Variants in ADGRG7 observed in about 807,000 individuals in gnomAD.
ADGRG7 encodes the protein adhesion G protein-coupled receptor G7.
A neutral mutation model predicts 88.6 loss-of-function variants in ADGRG7; 82 were observed. That is an observed-to-expected ratio of 0.93 (90% CI 0.77 to 1.11). ADGRG7 has a LOEUF of 1.11. Among genes scored for constraint, ADGRG7 ranks in the 50% most tolerant of loss-of-function variants. The probability of loss-of-function intolerance (pLI) is 0.00; values close to 1 mark genes in which losing one functional copy is unlikely to be tolerated. For missense variants in ADGRG7, 945 were observed against 953.4 expected, an observed-to-expected ratio of 0.99 and a Z score of 0.12; for synonymous variants, 381 against 345.2, an observed-to-expected ratio of 1.10 and a Z score of -1.15.
chr3:100,633,996 G>GGTGT (rs1707494349), intron 4 of ADGRG7, among the ~76,000 whole-genome samples: 1 of 152,138 alleles, frequency 6.6e-6, no homozygotes, highest in Non-Finnish European at 1.5e-5. Flanking sequence ...GCCTCTTGAT[G>GGTGT]GTGTAACTGG....
At chr3:100,610,120 A>T (rs1472835285) in intron 1 of ADGRG7, 149 bp downstream of exon 1, 1 of 603,518 alleles carries the variant, frequency 1.7e-6, no homozygotes, top group African/African-American at 1.9e-5. Context: ...AGACCAAGTC[A>T]GTTAAGCCTA....
chr3:100,693,431 A>G lies in ADGRG7; in HGVS notation c.2137-1313A>G, dbSNP rs770512996. Among the ~76,000 whole-genome samples, 68 of 152,166 alleles carry G rather than the reference A, an allele frequency of 4.5e-4. 2 individuals carry two copies. The highest frequency in any genetic ancestry group is 1.3e-4 in the Admixed American group (2 of 15,274). ...TAGGGCCTTTCTTCTGATGTGTTAG[A>G]TACCACCTGTTGAGTAATAATCAAG... On this transcript the variant is annotated intron_variant, in intron 15 of 15. Transcript: ENST00000273352.
At chr3:100,677,293 AC>A (rs2094966705) in intron 15 of ADGRG7, among the ~76,000 whole-genome samples, 1 of 152,088 alleles carries the variant, frequency 6.6e-6, no homozygotes, top group Admixed American at 6.6e-5. Flanking sequence ...TATTTTATAA[AC>A]CATTATTTTA....
intron 15 of ADGRG7, among the ~76,000 whole-genome samples, chr3:100,687,704 G>A (rs1365409174): frequency 6.6e-6 from 1 of 152,204 alleles, no homozygotes; most frequent in African/African-American, 2.4e-5. Context: ...TGTTGAACCA[G>A]CTTTGCATCC....
At position 100,655,094 on chromosome 3, in the gene ADGRG7, A is replaced by G. The variant is rs1394061428; in HGVS notation, c.1639A>G (p.Ser547Gly). 6.2e-7 allele frequency: 1 copy of G among 1,614,194 alleles called. No individual in the cohort carries two copies. The highest frequency in any genetic ancestry group is 8.5e-7 in the Non-Finnish European group (1 of 1,180,024). ...AGTGACATTTACCTGGAACGCACTCAGCGCTGCACAGCTCTATTACCTTCT... is the reference window on the plus strand; with the variant it reads ...AGTGACATTTACCTGGAACGCACTCGGCGCTGCACAGCTCTATTACCTTCT... Reference protein sequence around the residue: ...LLVTFTWNALSAAQLYYLLIR... With the variant: ...LLVTFTWNALGAAQLYYLLIR... The change falls in exon 12 of 16, where the codon AGC becomes GGC. Residue 547 changes from serine to glycine, a missense_variant. Physicochemically the swap from Ser to Gly is moderately conservative, Grantham distance 56. Transcript: ENST00000273352.
At chr3:100,644,467 A>C (rs1472374660) in intron 8 of ADGRG7, among the ~76,000 whole-genome samples, 1 of 152,192 alleles carries the variant, frequency 6.6e-6, no homozygotes, top group African/African-American at 2.4e-5. Flanking sequence ...AAGTACAGAA[A>C]GTAATGTGAA....
At chr3:100,650,707 T>G (rs777767218) in intron 11 of ADGRG7, among the ~76,000 whole-genome samples, 48 of 152,198 alleles carry the variant, frequency 3.2e-4, no homozygotes, top group Non-Finnish European at 6.6e-4. Context: ...GTCTGCCAGA[T>G]TTCCACATTT....
chr3:100,681,818 G>A (rs567063540), intron 15 of ADGRG7, among the ~76,000 whole-genome samples: 2 of 152,004 alleles, frequency 1.3e-5, no homozygotes, highest in African/African-American at 2.4e-5. Context: ...TAAAGCACTC[G>A]CACCCTACCA....
At chr3:100,621,723 G>T (rs1286631491) in intron 1 of ADGRG7, among the ~76,000 whole-genome samples, 1 of 152,208 alleles carries the variant, frequency 6.6e-6, no homozygotes, top group African/African-American at 2.4e-5. Flanking sequence ...ATATAAATAA[G>T]ATAATTGATG....
chr3:100,612,570 A>T (rs956150132), intron 1 of ADGRG7, among the ~76,000 whole-genome samples: 2 of 152,222 alleles, frequency 1.3e-5, no homozygotes, highest in Non-Finnish European at 2.9e-5. Context: ...TAAGCCTGAT[A>T]TAATCATAGA....
At chr3:100,691,105 A>G (rs997049599) in intron 15 of ADGRG7, among the ~76,000 whole-genome samples, 1 of 152,128 alleles carries the variant, frequency 6.6e-6, no homozygotes, top group African/African-American at 2.4e-5. Flanking sequence ...TTGCAGTTTG[A>G]TCTCAGACTG....
chr3:100,649,548 G>T, intron 10 of ADGRG7, 147 bp from the exon 11 acceptor site: 1 of 507,328 alleles, frequency 2.0e-6, no homozygotes, highest in Non-Finnish European at 3.5e-6. Context: ...AATGTATTTC[G>T]CTTTTAAATA....
intron 15 of ADGRG7, among the ~76,000 whole-genome samples, chr3:100,693,196 G>A (rs986212927): frequency 1.3e-5 from 2 of 152,044 alleles, no homozygotes; most frequent in Non-Finnish European, 2.9e-5. Context: ...CCTAATTATT[G>A]TACCAACAGA....
chr3:100,668,979 T>G lies in ADGRG7; in HGVS notation c.2010T>G (p.Ile670Met). 6.2e-7 allele frequency: 1 copy of G among 1,601,964 alleles called. No individual in the cohort carries two copies. ...STKKVSSMKKIVSTLSVAVVF... is the reference protein window; with the variant it reads ...STKKVSSMKKMVSTLSVAVVF... ...AAAAAGTTTCATCCATGAAGAAGAT[T>G]GTTAGCACATTATCTGTTGCAGTTG... is the stretch of plus-strand genomic sequence containing the variant. The change falls in exon 15 of 16, where the codon ATT becomes ATG. Residue 670 changes from isoleucine (I) to methionine (M), a missense_variant. By Grantham distance (10) the Ile-to-Met change is conservative (BLOSUM62 1). Transcript: ENST00000273352.
At chr3:100,647,634 T>C (rs921086190) in intron 10 of ADGRG7, among the ~76,000 whole-genome samples, 1 of 152,254 alleles carries the variant, frequency 6.6e-6, no homozygotes, top group Non-Finnish European at 1.5e-5. Flanking sequence ...CTCAAGGTTC[T>C]TGTGCTGACC....
At chr3:100,693,492 T>C (rs1238574359) in intron 15 of ADGRG7, among the ~76,000 whole-genome samples, 2 of 152,164 alleles carry the variant, frequency 1.3e-5, no homozygotes, top group Non-Finnish European at 2.9e-5. Flanking sequence ...AACAAGTCTG[T>C]CTCTTGCCAA....
rs1243803866 is a variant in ADGRG7 at position 100,643,626 on chromosome 3, G to T, written c.939G>T (p.Met313Ile). 3 of 1,609,200 alleles carry T rather than the reference G, an allele frequency of 1.9e-6. No individual in the cohort carries two copies. In the Admixed American group the frequency reaches 5.0e-5, roughly 27 times the overall value. Reference sequence around the variant, plus strand: ...CTGAGCTTCAGGTCTTGCTTAATATGACGAAAAGTAAGTCTCAAACTTTGT... The same window carrying T: ...CTGAGCTTCAGGTCTTGCTTAATATTACGAAAAGTAAGTCTCAAACTTTGT... ...AQTELQVLLNMTKNYTKTCGF... is the reference protein window; with the variant it reads ...AQTELQVLLNITKNYTKTCGF... The change falls in exon 8 of 16, where the codon ATG becomes ATT. Residue 313 changes from methionine (M) to isoleucine (I), a missense_variant. Physicochemically the swap from Met to Ile is conservative, Grantham distance 10. Transcript: ENST00000273352.
rs140913241 is a variant in ADGRG7 at position 100,655,527 on chromosome 3, C to T, written c.1726+346C>T. ...GTTTCAAGAAAGACAATCAGAGTGA[C>T]TCTTTAAGCAAAAATATTTGAAAAA... On this transcript the variant is annotated intron_variant, in intron 12 of 15. Transcript: ENST00000273352. Among the ~76,000 whole-genome samples the T allele has an allele frequency of 3.5e-3, 528 of 152,182 alleles. 5 individuals carry two copies. The highest frequency in any genetic ancestry group is 5.1e-3 in the Non-Finnish European group (350 of 67,982).
chr3:100,649,207 A>G (rs1046912174), intron 10 of ADGRG7, among the ~76,000 whole-genome samples: 1 of 152,226 alleles, frequency 6.6e-6, no homozygotes, highest in Non-Finnish European at 1.5e-5. Context: ...ATGGGACAGT[A>G]TGGGTCCACT....
Sources: allele counts gnomAD v4.1 joint callset (sites outside exome capture counted in the v4.1 genomes callset), GRCh38; gene constraint gnomAD v4.1.1; transcripts MANE v1.5; gene names NCBI Gene and HGNC (gene_info 2026-07-23, HGNC 2026-07-21).